Variants in RORA observed in about 807,000 individuals in gnomAD.
RORA encodes RAR related orphan receptor A.
Under a neutral mutation model 69.5 loss-of-function variants are expected in RORA, and 7 were observed. That is an observed-to-expected ratio of 0.10 (90% confidence interval 0.06 to 0.19). The LOEUF (loss-of-function observed/expected upper bound fraction) is 0.19, where lower values mean the gene tolerates loss of function less well. Among genes scored for constraint, RORA ranks in the 10% least tolerant of loss-of-function variants. The pLI is 1.00. For missense variants in RORA, 457 were observed against 663.0 expected, an observed-to-expected ratio of 0.69 and a Z score of 3.41; for synonymous variants, 261 against 240.8, an observed-to-expected ratio of 1.08 and a Z score of -0.78.
intron 1 of RORA, among the ~76,000 whole-genome samples, chr15:60,706,970 T>C (rs1348045850): frequency 6.6e-6 from 1 of 152,240 alleles, no homozygotes; most frequent in Non-Finnish European, 1.5e-5. Context: ...CTTACTTACC[T>C]AGCTCAGGAG....
rs1755345765 is a variant in RORA, at chr15:61,155,171, T to C, written c.166+73882A>G. Among the ~76,000 whole-genome samples the C allele has an allele frequency of 2.6e-5, 4 of 152,320 alleles. No individual in the cohort carries two copies. In the South Asian group the frequency reaches 8.3e-4, roughly 32 times the overall value. On this transcript the variant is annotated intron_variant, in intron 1 of 10. Transcript: ENST00000335670. ...ATGGTAATTATCCCAGCTTGATCATTATACAATGTATACATGCATTAAAAC... is the reference window on the plus strand; with the variant it reads ...ATGGTAATTATCCCAGCTTGATCATCATACAATGTATACATGCATTAAAAC...
At position 60,489,047 on chromosome 15, in the gene RORA, A is replaced by T. The variant is rs2064999241; in HGVS notation, c.*8408T>A. The T allele has an allele frequency of 6.6e-6, 1 of 152,226 alleles. No individual in the cohort carries two copies. The highest frequency in any genetic ancestry group is 1.5e-5 in the Non-Finnish European group (1 of 68,036). 9.4% of individuals were successfully genotyped at this position (152,226 alleles called of 1,614,324 possible). On this transcript the variant is annotated 3_prime_UTR_variant, in exon 11 of 11. Transcript: ENST00000335670. ...TGCTGACATGTGCTAGCCATTGTGC[A>T]GACGCAAAAAGATACAATCTCTACC...
Position 61,177,156 on chromosome 15 carries a change from CT to C in RORA, c.166+51896del, listed in dbSNP as rs1488877868. On this transcript the variant is annotated intron_variant, in intron 1 of 10. Transcript: ENST00000335670. ...GGAGTTCTGATGTTTAATTCTAGAA[CT>C]TTTCAGCATCCACAAATAATGCTAC... 3.3e-5 allele frequency among the ~76,000 whole-genome samples: 5 copies of C among 152,304 alleles called. No homozygotes were observed. In the East Asian group the frequency reaches 9.6e-4, roughly 29 times the overall value.
chr15:60,813,232 T>C (rs149971512), intron 1 of RORA, among the ~76,000 whole-genome samples: 6 of 152,278 alleles, frequency 3.9e-5, no homozygotes, highest in Non-Finnish European at 8.8e-5. Context: ...GGAAATACCA[T>C]ATCCTCTCTG....
chr15:61,000,103 T>C (rs1894700688), intron 1 of RORA, among the ~76,000 whole-genome samples: 1 of 152,210 alleles, frequency 6.6e-6, no homozygotes, highest in African/African-American at 2.4e-5. Flanking sequence ...TACAATCGTT[T>C]AACAGATGTA....
intron 1 of RORA, among the ~76,000 whole-genome samples, chr15:61,168,207 T>C (rs1414485489): frequency 6.7e-6 from 1 of 148,522 alleles, no homozygotes; most frequent in Non-Finnish European, 1.5e-5. Context: ...TACACGCGCG[T>C]GCGTGCGTGC....
intron 1 of RORA, among the ~76,000 whole-genome samples, chr15:61,199,228 C>A (rs921091764): frequency 4.6e-5 from 7 of 151,472 alleles, no homozygotes; most frequent in African/African-American, 1.5e-4. Context: ...TCTCTGCTCT[C>A]GGGAGCAGTG....
At chr15:60,653,813 C>A (rs1201558748) in intron 2 of RORA, among the ~76,000 whole-genome samples, 1 of 151,898 alleles carries the variant, frequency 6.6e-6, no homozygotes, top group African/African-American at 2.4e-5. Context: ...ATATTTCCTA[C>A]AAATAGTGGC....
intron 2 of RORA, among the ~76,000 whole-genome samples, chr15:60,650,394 T>G (rs1365839567): frequency 1.3e-5 from 2 of 152,112 alleles, no homozygotes; most frequent in African/African-American, 4.8e-5. Flanking sequence ...CATTCCAACT[T>G]CAGGTTAACT....
At chr15:60,565,997 A>ATTACCTTT (rs2067702194) in intron 2 of RORA, among the ~76,000 whole-genome samples, 1 of 152,240 alleles carries the variant, frequency 6.6e-6, no homozygotes, top group South Asian at 2.1e-4. Flanking sequence ...ATGCAAAGTT[A>ATTACCTTT]ATAACAGAGA....
chr15:61,140,131 A>C (rs2079284379), intron 1 of RORA, among the ~76,000 whole-genome samples: 1 of 152,228 alleles, frequency 6.6e-6, no homozygotes, highest in African/African-American at 2.4e-5. Flanking sequence ...TCTCTTCAAC[A>C]TGTCAATGGT....
intron 1 of RORA, among the ~76,000 whole-genome samples, chr15:61,206,568 G>A (rs1019928589): frequency 2.6e-5 from 4 of 152,076 alleles, no homozygotes; most frequent in Non-Finnish European, 5.9e-5. Flanking sequence ...AAATAAAAGA[G>A]GATGCTGACC....
chr15:60,847,850 G>A (rs2073283178), intron 1 of RORA: 1 of 152,164 alleles, frequency 6.6e-6, no homozygotes, highest in South Asian at 2.1e-4. Context: ...TGACAAATCT[G>A]ATTACATTGT....
intron 1 of RORA, chr15:60,765,345 C>G (rs920265493): frequency 1.3e-5 from 2 of 152,056 alleles, no homozygotes; most frequent in Non-Finnish European, 2.9e-5. Context: ...TTGAGATCAA[C>G]TCAGAATCAT....
At chr15:60,507,300 G>A (rs1033596272) in intron 5 of RORA, among the ~76,000 whole-genome samples, 18 of 152,142 alleles carry the variant, frequency 1.2e-4, no homozygotes, top group Admixed American at 4.6e-4. Context: ...TGCAAACTTG[G>A]CAACACTAGG....
intron 1 of RORA, among the ~76,000 whole-genome samples, chr15:61,191,615 G>A (rs765624434): frequency 3.9e-5 from 6 of 152,086 alleles, no homozygotes; most frequent in African/African-American, 9.7e-5. Context: ...CCCCTCTATC[G>A]TTCCTTCCAA....
At chr15:60,614,872 A>T in intron 2 of RORA, 3 of 1,601,720 alleles carry the variant, frequency 1.9e-6, no homozygotes, top group Non-Finnish European at 2.6e-6. Flanking sequence ...CCTGGAGCAT[A>T]GTAAGCTCTC....
rs373766183 is a variant in RORA, at chr15:60,910,886, G to T, written c.167-232200C>A. 5.7e-3 allele frequency among the ~76,000 whole-genome samples: 723 copies of T among 126,766 alleles called. 8 individuals carry two copies. The highest frequency in any genetic ancestry group is 0.021 in the African/African-American group (688 of 32,092). 83.2% of individuals were successfully genotyped at this position (126,766 alleles called of 152,430 possible). On this transcript the variant is annotated intron_variant, in intron 1 of 10. Coordinates refer to ENST00000335670, the MANE Select transcript of RORA (RefSeq NM_134261.3). ...ATGAGGCTCTGGCTGTTTTTTTTTT[G>T]TTGTTGTTGTTTTTTGGGTTTTTTT...
chr15:60,578,135 G>A (rs2068082167), intron 2 of RORA, among the ~76,000 whole-genome samples: 1 of 152,118 alleles, frequency 6.6e-6, no homozygotes, highest in South Asian at 2.1e-4. Context: ...CTGACTTTTT[G>A]TACTTTGTTA....
Sources: gnomAD v4.1 joint callset for allele counts (sites outside exome capture counted in the v4.1 genomes callset) on GRCh38, gnomAD v4.1.1 for gene constraint, MANE v1.5 for transcripts, NCBI Gene and HGNC (gene_info 2026-07-23, HGNC 2026-07-21) for gene names.